FHIT: variants seen among roughly 807,000 people sequenced by gnomAD.
The protein encoded by FHIT is fragile histidine triad diadenosine triphosphatase.
In FHIT, 19 loss-of-function variants were observed where a neutral mutation model predicts 17.9. The observed-to-expected ratio is 1.06, with a 90% CI of 0.74 to 1.56. FHIT has a LOEUF of 1.56. Among genes scored for constraint, FHIT ranks in the 40% most tolerant of loss-of-function variants. The pLI is 0.00. For synonymous variants in FHIT, 81 were observed against 69.7 expected (o/e 1.16, Z -0.81); for missense variants, 248 against 189.2 (o/e 1.31, Z -1.82).
chr3:60,078,100 C>G (rs1703112781), intron 5 of FHIT, among the ~76,000 whole-genome samples: 2 of 152,048 alleles, frequency 1.3e-5, no homozygotes, highest in South Asian at 2.1e-4. Flanking sequence ...ACAAAAGTAA[C>G]TGTTTCAGGT....
chr3:60,252,343 A>T (rs1169890920), intron 5 of FHIT, among the ~76,000 whole-genome samples: 14 of 152,152 alleles, frequency 9.2e-5, no homozygotes, highest in Non-Finnish European at 2.1e-4. Flanking sequence ...CAGGAGTTTA[A>T]GACCAGCCTG....
intron 2 of FHIT, among the ~76,000 whole-genome samples, chr3:61,105,862 T>G (rs2035974770): frequency 6.6e-6 from 1 of 152,242 alleles, no homozygotes; most frequent in East Asian, 1.9e-4. Context: ...AAAGACGCTT[T>G]CAGCCTCCAG....
At chr3:60,730,936 G>A (rs1553711001) in intron 4 of FHIT, among the ~76,000 whole-genome samples, 1 of 137,616 alleles carries the variant, frequency 7.3e-6, no homozygotes, top group African/African-American at 2.8e-5. Flanking sequence ...CTAACACAGT[G>A]AAACCCAGTC....
chr3:61,242,819 C>CA (rs1307383606), intron 1 of FHIT, among the ~76,000 whole-genome samples: 1 of 152,060 alleles, frequency 6.6e-6, no homozygotes. Context: ...AGGCACAAGA[C>CA]CAAATGAGCC....
chr3:60,267,245 A>G (rs213334), intron 5 of FHIT, among the ~76,000 whole-genome samples: 144,955 of 152,038 alleles, frequency 0.95, 69,125 homozygotes, highest in East Asian at 1. Context: ...GAGGGAGAGG[A>G]AGGAGGGACA....
At chr3:60,078,569 T>G (rs1238405301) in intron 5 of FHIT, among the ~76,000 whole-genome samples, 1 of 152,170 alleles carries the variant, frequency 6.6e-6, no homozygotes, top group Non-Finnish European at 1.5e-5. Context: ...GAATGGATCC[T>G]GGACCCAAAT....
chr3:59,932,929 A>G (rs1009883741), intron 7 of FHIT, among the ~76,000 whole-genome samples: 3 of 152,214 alleles, frequency 2.0e-5, no homozygotes, highest in Middle Eastern at 6.8e-3. Flanking sequence ...CCTCCAGTAG[A>G]TTCTAAGTCC....
chr3:60,054,705 G>A (rs1279381161), intron 5 of FHIT, among the ~76,000 whole-genome samples: 1 of 152,116 alleles, frequency 6.6e-6, no homozygotes, highest in African/African-American at 2.4e-5. Context: ...TAGGTGCTGG[G>A]TTAAGCACAG....
intron 4 of FHIT, among the ~76,000 whole-genome samples, chr3:60,685,955 T>A (rs2734412): frequency 9.2e-5 from 14 of 152,232 alleles, no homozygotes; most frequent in Non-Finnish European, 2.1e-4. Context: ...TTCATCTATT[T>A]TTTCTTGTCA....
At chr3:60,330,862 G>C (rs1709933194) in intron 5 of FHIT, among the ~76,000 whole-genome samples, 1 of 152,172 alleles carries the variant, frequency 6.6e-6, no homozygotes, top group South Asian at 2.1e-4. Context: ...TCAAAGTCAT[G>C]AGTGCCTTGG....
At chr3:60,572,682 A>G (rs1226874396) in intron 4 of FHIT, among the ~76,000 whole-genome samples, 1 of 152,168 alleles carries the variant, frequency 6.6e-6, no homozygotes, top group African/African-American at 2.4e-5. Context: ...GTCTTAAAAT[A>G]TAAAACAAAA....
At chr3:61,102,554 T>C (rs2035865513) in intron 2 of FHIT, among the ~76,000 whole-genome samples, 1 of 152,234 alleles carries the variant, frequency 6.6e-6, no homozygotes, top group African/African-American at 2.4e-5. Flanking sequence ...GGTATCAGGA[T>C]GATGTTGGCC....
Position 60,316,400 on chromosome 3 carries a change from G to T in FHIT, c.103+220460C>A, listed in dbSNP as rs114938060. On this transcript the variant is annotated intron_variant, in intron 5 of 9. Coordinates refer to ENST00000492590, the MANE Select transcript of FHIT (RefSeq NM_002012.4). Reference sequence around the variant, plus strand: ...TGTGTTTATTGCTTGATAAACTTTAGTAATAAACTTAGGATAGGTTGAAAA... The same window carrying T: ...TGTGTTTATTGCTTGATAAACTTTATTAATAAACTTAGGATAGGTTGAAAA... Among the ~76,000 whole-genome samples, 682 of 152,222 alleles carry T rather than the reference G, an allele frequency of 4.5e-3. 11 individuals carry two copies. Among genetic ancestry groups the T allele is most frequent in the African/African-American group, 0.016 (660 of 41,546 alleles).
intron 7 of FHIT, among the ~76,000 whole-genome samples, chr3:59,983,516 G>T (rs1321355620): frequency 6.6e-6 from 1 of 152,090 alleles, no homozygotes; most frequent in African/African-American, 2.4e-5. Context: ...CTCTTACTGT[G>T]TCTAATTTAT....
chr3:59,908,853 T>TTTTTTTTTTTTGAGACGG (rs1271629999), intron 8 of FHIT, among the ~76,000 whole-genome samples: 3 of 150,712 alleles, frequency 2.0e-5, no homozygotes, highest in African/African-American at 2.4e-5. Flanking sequence ...CATTTTTTAA[T>TTTTTTTTTTTTGAGACGG]AGTCCAACTG....
chr3:61,111,559 A>G (rs1478889059), intron 2 of FHIT, among the ~76,000 whole-genome samples: 5 of 152,206 alleles, frequency 3.3e-5, no homozygotes, highest in Non-Finnish European at 7.3e-5. Flanking sequence ...ATATGGACAA[A>G]TAAAAAAACA....
chr3:59,986,530 T>TACACACAC (rs1559523573), intron 7 of FHIT, among the ~76,000 whole-genome samples: 2 of 4,472 alleles, frequency 4.5e-4, no homozygotes, highest in African/African-American at 1.2e-3. Context: ...TATATATATA[T>TACACACAC]ATATATATAT....
At chr3:59,884,167 G>C (rs1029505463) in intron 8 of FHIT, among the ~76,000 whole-genome samples, 1 of 152,166 alleles carries the variant, frequency 6.6e-6, no homozygotes, top group Non-Finnish European at 1.5e-5. Context: ...AGTTGACTGT[G>C]ATTACAGGAA....
intron 1 of FHIT, among the ~76,000 whole-genome samples, chr3:61,223,673 G>C (rs2106836781): frequency 6.6e-6 from 1 of 152,322 alleles, no homozygotes; most frequent in African/African-American, 2.4e-5. Context: ...CATTTTGCCA[G>C]ATGGTGTATC....
Sources: gnomAD v4.1 joint callset for allele counts (sites outside exome capture counted in the v4.1 genomes callset) on GRCh38, gnomAD v4.1.1 for gene constraint, MANE v1.5 for transcripts, NCBI Gene and HGNC (gene_info 2026-07-23, HGNC 2026-07-21) for gene names.